FAAH2: variants seen among roughly 807,000 people sequenced by gnomAD.
The protein encoded by FAAH2 is fatty-acid amide hydrolase 2.
Under a neutral mutation model 36.9 loss-of-function variants are expected in FAAH2, and 60 were observed. The ratio of observed to expected loss-of-function variants is 1.63; its 90% confidence interval spans 1.32 to 2.02. The LOEUF (loss-of-function observed/expected upper bound fraction) is 2.02, where lower values mean the gene tolerates loss of function less well. FAAH2 is among the 30% of genes most tolerant of loss of function. The pLI is 0.00. For missense variants in FAAH2, 689 were observed against 397.5 expected, an observed-to-expected ratio of 1.73 and a Z score of -6.23; for synonymous variants, 214 against 143.8, an observed-to-expected ratio of 1.49 and a Z score of -3.49.
intron 10 of FAAH2, among the ~76,000 whole-genome samples, chrX:57,455,102 T>G (rs1355160063): frequency 8.9e-6 from 1 of 111,964 alleles, no homozygotes; most frequent in East Asian, 2.8e-4. Context: ...CTGTAAGAAC[T>G]CTCTGTAAGA....
At chrX:57,358,929 A>G (rs1254175435) in intron 5 of FAAH2, among the ~76,000 whole-genome samples, 1 of 110,947 alleles carries the variant, frequency 9.0e-6, no homozygotes, top group African/African-American at 3.3e-5. Context: ...GTATATATTT[A>G]TGGGGTACAT....
the FAAH2 span, among the ~76,000 whole-genome samples, chrX:57,268,065 A>C: frequency 8.9e-6 from 1 of 112,397 alleles, no homozygotes; most frequent in Non-Finnish European, 1.9e-5. Context: ...GAGCTATAGG[A>C]GTACACTGTA....
chrX:57,297,351 C>G (rs1220099163), intron 2 of FAAH2, among the ~76,000 whole-genome samples: 2 of 109,662 alleles, frequency 1.8e-5, no homozygotes, highest in Non-Finnish European at 3.8e-5. Flanking sequence ...TACAGCCAAA[C>G]TAAGCTTCAT....
At chrX:57,212,268 T>A in the FAAH2 span, among the ~76,000 whole-genome samples, 5 of 112,095 alleles carry the variant, frequency 4.5e-5, no homozygotes, top group East Asian at 1.4e-3. Flanking sequence ...TTACACAAGT[T>A]GCAAAGGAAT....
the FAAH2 span, chrX:57,127,317 AT>A: frequency 9.0e-6 from 1 of 111,497 alleles, no homozygotes; most frequent in Non-Finnish European, 1.9e-5. Context: ...ATAAGGAGCT[AT>A]CTAAAAAACA....
the FAAH2 span, among the ~76,000 whole-genome samples, chrX:57,257,331 G>T: frequency 8.9e-6 from 1 of 112,026 alleles, no homozygotes; most frequent in East Asian, 2.8e-4. Flanking sequence ...AGAAAATGTG[G>T]CACATGTACA....
At chrX:57,280,285 A>G in the FAAH2 span, among the ~76,000 whole-genome samples, 1 of 111,113 alleles carries the variant, frequency 9.0e-6, no homozygotes, top group Non-Finnish European at 1.9e-5. Flanking sequence ...AAATATCAAA[A>G]AACAGTCTTT....
At chrX:57,381,166 ATTTTGGATGTAATTTTTCATGGTT>A (rs2054837681) in intron 7 of FAAH2, 137 bp downstream of exon 7, 2 of 409,585 alleles carry the variant, frequency 4.9e-6, no homozygotes, top group Non-Finnish European at 8.3e-6. Flanking sequence ...ATACTAAGGA[ATTTTGGATGTAATTTTTCATGGTT>A]ATTTTAGATA....
chrX:57,168,245 A>G, the FAAH2 span, among the ~76,000 whole-genome samples: 2 of 110,425 alleles, frequency 1.8e-5, 1 homozygote, highest in Non-Finnish European at 3.8e-5. Flanking sequence ...TGGAATCATC[A>G]GTTTTTCCAA....
chrX:57,268,283 A>C, the FAAH2 span, among the ~76,000 whole-genome samples: 4 of 111,736 alleles, frequency 3.6e-5, no homozygotes, highest in African/African-American at 1.3e-4. Flanking sequence ...AAAATAAGGC[A>C]GGCAGACAAG....
At chrX:57,265,943 C>T in the FAAH2 span, among the ~76,000 whole-genome samples, 48 of 111,823 alleles carry the variant, frequency 4.3e-4, no homozygotes, top group African/African-American at 1.4e-3. Flanking sequence ...TGTTCTCTGG[C>T]TGACAGAGGT....
intron 10 of FAAH2, among the ~76,000 whole-genome samples, chrX:57,467,360 G>A (rs1029833302): frequency 2.7e-5 from 3 of 111,293 alleles, no homozygotes; most frequent in South Asian, 7.6e-4. Context: ...GTCAAAGAAA[G>A]GGGTGACAGA....
chrX:57,380,980 C>T lies in FAAH2; in HGVS notation c.947C>T (p.Ser316Leu), dbSNP rs2147223073. Residue 316 changes from serine to leucine, a missense_variant, in exon 7 of 11, where the codon TCA (serine) becomes TTA (leucine). By Grantham distance (145) the Ser-to-Leu change is moderately radical. Coordinates refer to ENST00000374900, the MANE Select transcript of FAAH2 (RefSeq NM_174912.4). ...KFYWMEHDGG[S>L]FLMSKVDQDL... ...TACTGGATGGAACATGATGGAGGCT[C>T]ATTTTTAATGTCCAAAGTGGACCAA... The T allele has an allele frequency of 8.3e-7, 1 of 1,199,998 alleles. No homozygotes were observed. The highest frequency in any genetic ancestry group is 3.0e-5 in the East Asian group (1 of 33,506).
At chrX:57,159,237 C>G in the FAAH2 span, among the ~76,000 whole-genome samples, 4 of 111,892 alleles carry the variant, frequency 3.6e-5, no homozygotes, top group African/African-American at 6.5e-5. Context: ...GTTTTGGTTA[C>G]TGTAGCCTTG....
At chrX:57,255,812 C>T in the FAAH2 span, among the ~76,000 whole-genome samples, 1 of 111,554 alleles carries the variant, frequency 9.0e-6, no homozygotes, top group African/African-American at 3.3e-5. Flanking sequence ...AACCCACAAC[C>T]GATATCATAT....
chrX:57,472,945 G>T (rs1394661972), intron 10 of FAAH2, among the ~76,000 whole-genome samples: 1 of 110,236 alleles, frequency 9.1e-6, no homozygotes, highest in African/African-American at 3.3e-5. Flanking sequence ...GTCCTGCTAG[G>T]GGTCTGTCAA....
chrX:57,383,500 C>A (rs1482104389), intron 7 of FAAH2, among the ~76,000 whole-genome samples: 1 of 111,732 alleles, frequency 8.9e-6, no homozygotes, highest in Non-Finnish European at 1.9e-5. Flanking sequence ...AATCAATGTG[C>A]AAAAATCACA....
At chrX:57,333,819 G>A (rs1010714334) in intron 4 of FAAH2, among the ~76,000 whole-genome samples, 1 of 111,244 alleles carries the variant, frequency 9.0e-6, no homozygotes, top group Non-Finnish European at 1.9e-5. Flanking sequence ...GGAACACTAG[G>A]AAGAGAAGAA....
chrX:57,152,799 C>G, the FAAH2 span, among the ~76,000 whole-genome samples: 1 of 111,183 alleles, frequency 9.0e-6, no homozygotes, highest in Non-Finnish European at 1.9e-5. Context: ...TCTGGCACTC[C>G]CTAGTGAGAT....
Sources: allele counts gnomAD v4.1 joint callset (sites outside exome capture counted in the v4.1 genomes callset), GRCh38; gene constraint gnomAD v4.1.1; transcripts MANE v1.5; gene names NCBI Gene and HGNC (gene_info 2026-07-23, HGNC 2026-07-21).